The following RFC4 variants were observed in gnomAD, a reference collection of about 807,000 sequenced individuals.
RFC4 encodes the protein A1 37 kDa subunit.
A neutral mutation model predicts 47.6 loss-of-function variants in RFC4; 38 were observed. The ratio of observed to expected loss-of-function variants is 0.80; its 90% CI spans 0.62 to 1.05. RFC4 has a LOEUF of 1.05. Ranked by LOEUF, RFC4 falls within the 50% of genes least tolerant of loss-of-function variation. The pLI, the probability that RFC4 is intolerant of heterozygous loss-of-function variation, is 0.00. For missense variants in RFC4, 489 were observed against 434.0 expected, an observed-to-expected ratio of 1.13 and a Z score of -1.13; for synonymous variants, 164 against 150.0, an observed-to-expected ratio of 1.09 and a Z score of -0.68.
At chr3:186,800,830 T>C (rs780626562) in intron 3 of RFC4, among the ~76,000 whole-genome samples, 58 of 152,328 alleles carry the variant, frequency 3.8e-4, no homozygotes, top group Middle Eastern at 3.4e-3. Flanking sequence ...AAAAGGGGCA[T>C]AGTTTGTCTT....
At chr3:186,790,603 T>G (rs1722088455) in intron 8 of RFC4, among the ~76,000 whole-genome samples, 197 bp from the exon 9 acceptor site, 1 of 152,238 alleles carries the variant, frequency 6.6e-6, no homozygotes, top group Non-Finnish European at 1.5e-5. Context: ...ACAACTGTGC[T>G]TTTAAAGCCC....
rs1472342389 is a variant in RFC4, at chr3:186,790,319, ACTTTAC to A, written c.882+1_882+6del. On this transcript the variant is annotated splice_donor_variant and splice_donor_5th_base_variant and intron_variant, in intron 9 of 10. Coordinates refer to ENST00000296273, the MANE Select transcript of RFC4 (RefSeq NM_002916.5). LOFTEE classifies it high-confidence loss of function. ...TCCTTTCCCCAAAGTTAGTAAGCTG[ACTTTAC>A]CTTGACCACAGCTTCTAGTTTGTCA... The A allele has an allele frequency of 1.2e-6, 2 of 1,613,366 alleles. No individual in the cohort carries two copies. Among genetic ancestry groups the A allele is most frequent in the Non-Finnish European group, 1.7e-6 (2 of 1,179,308 alleles).
Position 186,789,941 on chromosome 3 carries a change from C to CA in RFC4, c.*27dup. 7.3e-7 allele frequency: 1 copy of CA among 1,374,968 alleles called. No homozygotes were observed. 85.2% of individuals were successfully genotyped at this position (1,374,968 alleles called of 1,614,324 possible). A position where few individuals can be genotyped will look rare whatever the true frequency, so the allele number is the denominator to read the frequency against. On this transcript the variant is annotated 3_prime_UTR_variant, in exon 11 of 11. Transcript: ENST00000296273. ...ATTTTTATTACAACTTCATTATTTACAAAACCCCCCATCCAGATATATTCA... is the reference window on the plus strand; with the variant it reads ...ATTTTTATTACAACTTCATTATTTACAAAAACCCCCCATCCAGATATATTCA...
intron 8 of RFC4, 84 bp from the exon 9 acceptor site, chr3:186,790,490 T>A: frequency 1.1e-6 from 1 of 917,880 alleles, no homozygotes; most frequent in South Asian, 1.3e-5. Flanking sequence ...GTGCCCCCAG[T>A]CATTTCTGTT....
intron 2 of RFC4, among the ~76,000 whole-genome samples, chr3:186,804,193 A>G (rs1722425077): frequency 6.6e-6 from 1 of 152,082 alleles, no homozygotes; most frequent in Non-Finnish European, 1.5e-5. Flanking sequence ...AAAAATAGTA[A>G]TAATAATAAT....
chr3:186,790,846 TAA>T (rs956861304), intron 8 of RFC4, among the ~76,000 whole-genome samples: 5 of 152,056 alleles, frequency 3.3e-5, no homozygotes, highest in Admixed American at 2.0e-4. Context: ...TCCAGAAAAT[TAA>T]AGAGGATTAG....
At chr3:186,794,593 G>A in intron 5 of RFC4, 65 bp downstream of exon 5, 1 of 1,489,090 alleles carries the variant, frequency 6.7e-7, no homozygotes, top group Non-Finnish European at 9.2e-7. Flanking sequence ...AGGCTGAGGA[G>A]CGATGGCAGA....
At position 186,794,677 on chromosome 3, in the gene RFC4, C is replaced by G. The variant is rs1352063933; in HGVS notation, c.391G>C (p.Val131Leu). Reference sequence around the variant, plus strand: ...ACTTACTCTGAGCGACTTCCTGACACAGTTAATTGAGCAAAATTTTTCACT... The same window carrying G: ...ACTTACTCTGAGCGACTTCCTGACAGAGTTAATTGAGCAAAATTTTTCACT... ...EKVKNFAQLT[V>L]SGSRSDGKPC... is the part of the protein sequence containing the mutation. Residue 131 changes from valine (V) to leucine (L), a missense_variant, in exon 5 of 11, where the codon GTG (valine) becomes CTG (leucine). Transcript: ENST00000296273. 1 of 1,613,920 alleles carries G rather than the reference C, an allele frequency of 6.2e-7. No individual in the cohort carries two copies. The highest frequency in any genetic ancestry group is 2.2e-5 in the East Asian group (1 of 44,884).
rs1037306899 is a variant in RFC4, at chr3:186,793,850, G to T, written c.410+808C>A. Among the ~76,000 whole-genome samples, 2 of 151,908 alleles carry T rather than the reference G, an allele frequency of 1.3e-5. No homozygotes were observed. Among genetic ancestry groups the T allele is most frequent in the African/African-American group, 4.8e-5 (2 of 41,306 alleles). ...CCATACTCCTGCCTCAGCCTCCCGA[G>T]TAGCTGGGACTACAGGCGCCCGCCA... On this transcript the variant is annotated intron_variant, in intron 5 of 10. Transcript: ENST00000296273. The surrounding 1 kb of genome is among the most constrained non-coding windows in gnomAD (Gnocchi z 4.2).
Position 186,792,903 on chromosome 3 carries a change from G to C in RFC4, c.455C>G (p.Ala152Gly). The C allele has an allele frequency of 3.1e-6, 5 of 1,613,914 alleles. No homozygotes were observed. Among genetic ancestry groups the C allele is most frequent in the Non-Finnish European group, 4.2e-6 (5 of 1,179,904 alleles). The change falls in exon 6 of 11, where the codon GCA becomes GGA. Residue 152 changes from alanine to glycine, a missense_variant. Transcript: ENST00000296273. ...CTGAGCAGCTGAGGTCATAGAATCTGCTTCATCCAGAATCACAATCTTAAA... is the reference window on the plus strand; with the variant it reads ...CTGAGCAGCTGAGGTCATAGAATCTCCTTCATCCAGAATCACAATCTTAAA... ...PPFKIVILDEADSMTSAAQAA... is the reference protein window; with the variant it reads ...PPFKIVILDEGDSMTSAAQAA...
In RFC4 at chr3:186,789,901, G is replaced by T; in HGVS notation, c.*68C>A. 2 of 989,610 alleles carry T rather than the reference G, an allele frequency of 2.0e-6. No individual in the cohort carries two copies. The highest frequency in any genetic ancestry group is 1.4e-5 in the South Asian group (1 of 69,942). The allele number at this position is 989,610 out of a possible 1,614,324, so 61.3% of individuals were successfully genotyped here. Reference sequence around the variant, plus strand: ...TAAATTGTATATTCACTTTAAAGGTGCTTTTGGTCATTTTATTTTTATTAC... The same window carrying T: ...TAAATTGTATATTCACTTTAAAGGTTCTTTTGGTCATTTTATTTTTATTAC... On this transcript the variant is annotated 3_prime_UTR_variant, in exon 11 of 11. Coordinates refer to ENST00000296273, the MANE Select transcript of RFC4 (RefSeq NM_002916.5).
rs1213694685 is a variant in RFC4 at position 186,792,562 on chromosome 3, A to T, written c.603T>A (p.Pro201=). 3 of 1,613,812 alleles carry T rather than the reference A, an allele frequency of 1.9e-6. No individual in the cohort carries two copies. The highest frequency in any genetic ancestry group is 2.5e-6 in the Non-Finnish European group (3 of 1,179,844). ...GCTGCTGTTGAATTTTATCTGACAG[A>T]GGCTTGAAGCGGAATTTTGAACATC... The part of the protein sequence containing the change: ...TSRCSKFRFK[P]LSDKIQQQRL... The change falls in exon 7 of 11, where the codon CCT becomes CCA. Residue 201 remains proline (P), a synonymous_variant. Transcript: ENST00000296273.
chr3:186,790,457 AT>A, intron 8 of RFC4, 51 bp from the exon 9 acceptor site: 1 of 1,304,648 alleles, frequency 7.7e-7, no homozygotes, highest in Non-Finnish European at 1.1e-6. Flanking sequence ...GAGACTAGAC[AT>A]ACACTCTGCC....
intron 7 of RFC4, among the ~76,000 whole-genome samples, chr3:186,792,063 G>GA (rs925288345): frequency 1.3e-5 from 2 of 152,072 alleles, no homozygotes; most frequent in African/African-American, 4.8e-5. Flanking sequence ...TTGCAGAGAT[G>GA]AAAAAATGTT....
intron 8 of RFC4, 76 bp downstream of exon 8, chr3:186,791,649 A>AT: frequency 7.6e-7 from 1 of 1,316,388 alleles, no homozygotes. Flanking sequence ...AACACCCAGT[A>AT]TTTGTTGGAT....
chr3:186,790,426 G>A lies in RFC4; in HGVS notation c.802-20C>T, dbSNP rs368152061. 35 of 1,559,804 alleles carry A rather than the reference G, an allele frequency of 2.2e-5. No individual in the cohort carries two copies. The African/African-American group carries it at 3.9e-4, about 18-fold the overall frequency. ...TATTACCTAGGTAATTGAATGTTCG[G>A]TATTAAAGATGTTTCTAGGTGAGAC... On this transcript the variant is annotated intron_variant, in intron 8 of 10. Transcript: ENST00000296273.
chr3:186,801,238 T>C (rs1722345614), intron 2 of RFC4, 43 bp from the exon 3 acceptor site: 4 of 1,427,502 alleles, frequency 2.8e-6, no homozygotes, highest in East Asian at 2.3e-5. Flanking sequence ...TAGTATATTA[T>C]AGTAGCCACA....
chr3:186,803,514 A>G (rs1377749367), intron 2 of RFC4, among the ~76,000 whole-genome samples: 4 of 151,796 alleles, frequency 2.6e-5, no homozygotes, highest in African/African-American at 9.7e-5. Flanking sequence ...AATTTTATTT[A>G]TTTATTTGAG....
At chr3:186,795,039 C>T (rs1722215518) in intron 4 of RFC4, among the ~76,000 whole-genome samples, 1 of 152,216 alleles carries the variant, frequency 6.6e-6, no homozygotes. Context: ...AGGTCTTGCT[C>T]TGTCACTCAG....
Sources: gnomAD v4.1 joint callset for allele counts (sites outside exome capture counted in the v4.1 genomes callset) on GRCh38, gnomAD v4.1.1 for gene constraint, Gnocchi (gnomAD v3.1) non-coding constraint, MANE v1.5 for transcripts, NCBI Gene and HGNC (gene_info 2026-07-23, HGNC 2026-07-21) for gene names.